The following DOCK1 variants were observed in gnomAD, a reference collection of about 807,000 sequenced individuals.
DOCK1 encodes the protein dedicator of cytokinesis 1.
DOCK1 carries 138 observed loss-of-function variants against 262.7 expected under a neutral mutation model. That is an observed-to-expected ratio of 0.53 (90% CI 0.46 to 0.61). The LOEUF is 0.61. Among genes scored for constraint, DOCK1 ranks in the 20% least tolerant of loss-of-function variants. The probability of loss-of-function intolerance (pLI) is 0.00; values close to 1 mark genes in which losing one functional copy is unlikely to be tolerated. For synonymous variants in DOCK1, 866 were observed against 867.4 expected, an observed-to-expected ratio of 1.00 and a Z score of 0.03; for missense variants, 1,908 against 2,370.7, an observed-to-expected ratio of 0.80 and a Z score of 4.05.
chr10:127,346,505 A>G (rs1310808451), intron 31 of DOCK1, among the ~76,000 whole-genome samples: 1 of 152,112 alleles, frequency 6.6e-6, no homozygotes, highest in Non-Finnish European at 1.5e-5. Flanking sequence ...CTGAAGTGGG[A>G]GGATTTCTTG....
intron 29 of DOCK1, among the ~76,000 whole-genome samples, chr10:127,261,411 G>C (rs1470400467): frequency 2.0e-4 from 29 of 141,916 alleles, no homozygotes; most frequent in South Asian, 4.6e-4. Flanking sequence ...GCATGTGGGT[G>C]TGTGTGTACC....
Position 127,447,537 on chromosome 10 carries a change from C to T in DOCK1, c.5557C>T (p.His1853Tyr). The T allele has an allele frequency of 6.2e-7, 1 of 1,613,860 alleles. No homozygotes were observed. Among genetic ancestry groups the T allele is most frequent in the South Asian group, 1.1e-5 (1 of 91,026 alleles). ...GCCAACACCTCCACCTCCCCCTCCA[C>T]ACCAGAGGGTAAGTCGGCAATCTGA... ...GSPTPPPPPP[H>Y]QRHLPPPLPS... The change falls in exon 51 of 52, where the codon CAC becomes TAC. Residue 1853 changes from histidine to tyrosine, a missense_variant. Coordinates refer to ENST00000623213, the MANE Select transcript of DOCK1 (RefSeq NM_001290223.2).
chr10:127,375,578 A>G (rs2065441533), intron 35 of DOCK1, among the ~76,000 whole-genome samples: 1 of 152,222 alleles, frequency 6.6e-6, no homozygotes, highest in African/African-American at 2.4e-5. Context: ...GTGTGGATTA[A>G]AAAGATAAAC....
At chr10:127,369,923 A>C (rs1043435839) in intron 33 of DOCK1, among the ~76,000 whole-genome samples, 7 of 152,328 alleles carry the variant, frequency 4.6e-5, no homozygotes, top group Admixed American at 1.3e-4. Context: ...GGGACCAGTC[A>C]CTTGTAGGAT....
intron 1 of DOCK1, among the ~76,000 whole-genome samples, chr10:126,962,202 C>T (rs1015870623): frequency 0.025 from 3,725 of 151,756 alleles, 164 homozygotes; most frequent in African/African-American, 0.086. Context: ...TCTTGTTGCC[C>T]AGGCTGGAGT....
chr10:127,246,513 TTTTACTAA>T (rs2134762703), intron 27 of DOCK1, among the ~76,000 whole-genome samples: 1 of 152,354 alleles, frequency 6.6e-6, no homozygotes, highest in East Asian at 1.9e-4. Flanking sequence ...AATTTTGCCA[TTTTACTAA>T]TCATTGCCTC....
chr10:127,404,178 ACCCTCTCCCACCATCT>A (rs991807519), intron 39 of DOCK1, 131 bp from the exon 40 acceptor site: 73 of 606,470 alleles, frequency 1.2e-4, no homozygotes, highest in Admixed American at 3.3e-4. Context: ...AAGCCTCAGT[ACCCTCTCCCACCATCT>A]CCCTCTCCCA....
intron 1 of DOCK1, among the ~76,000 whole-genome samples, chr10:126,951,671 TAG>T (rs1213239627): frequency 6.6e-6 from 1 of 151,868 alleles, no homozygotes; most frequent in Admixed American, 6.6e-5. Context: ...ATGGTAGTAG[TAG>T]TAAGTATTGT....
chr10:127,068,033 G>A (rs752004336), intron 23 of DOCK1, among the ~76,000 whole-genome samples: 4 of 152,096 alleles, frequency 2.6e-5, no homozygotes, highest in South Asian at 2.1e-4. Context: ...ATCACATGGC[G>A]CCATTTCCAT....
At chr10:127,387,162 A>G (rs946351669) in intron 38 of DOCK1, among the ~76,000 whole-genome samples, 1 of 152,190 alleles carries the variant, frequency 6.6e-6, no homozygotes, top group African/African-American at 2.4e-5. Flanking sequence ...GTGGCAGCAC[A>G]TCCTCTGACC....
intron 1 of DOCK1, among the ~76,000 whole-genome samples, chr10:126,941,875 G>C (rs966051870): frequency 3.3e-5 from 5 of 152,206 alleles, no homozygotes; most frequent in Non-Finnish European, 5.9e-5. Context: ...GCCTTTGCAG[G>C]TGAGGTGCTC....
intron 1 of DOCK1, among the ~76,000 whole-genome samples, chr10:126,943,207 T>G (rs2035152575): frequency 6.6e-6 from 1 of 152,220 alleles, no homozygotes; most frequent in South Asian, 2.1e-4. Flanking sequence ...GAGCAGAGAT[T>G]GTGCCACTGC....
chr10:127,025,641 G>A (rs1260626693), intron 15 of DOCK1, among the ~76,000 whole-genome samples: 1 of 151,872 alleles, frequency 6.6e-6, no homozygotes, highest in Non-Finnish European at 1.5e-5. Flanking sequence ...GTAGAGTTGG[G>A]GTTTTATCAT....
chr10:127,400,304 C>G (rs1262535730), intron 38 of DOCK1, among the ~76,000 whole-genome samples: 1 of 152,096 alleles, frequency 6.6e-6, no homozygotes, highest in Admixed American at 6.5e-5. Context: ...GTGAGGACTT[C>G]AGTGGGGTCA....
At chr10:127,294,832 AG>A (rs2061453881) in intron 29 of DOCK1, among the ~76,000 whole-genome samples, 1 of 150,476 alleles carries the variant, frequency 6.6e-6, no homozygotes. Flanking sequence ...AGTAGAGACG[AG>A]TTTTCGCCAC....
intron 1 of DOCK1, among the ~76,000 whole-genome samples, chr10:126,909,949 A>C (rs2031520495): frequency 6.6e-6 from 1 of 152,204 alleles, no homozygotes; most frequent in Non-Finnish European, 1.5e-5. Flanking sequence ...ATTGGGGTAG[A>C]AGTCACATTT....
chr10:127,078,707 C>G (rs778024795), intron 23 of DOCK1, among the ~76,000 whole-genome samples: 18 of 152,152 alleles, frequency 1.2e-4, no homozygotes, highest in Non-Finnish European at 2.2e-4. Flanking sequence ...AAATGCCCAT[C>G]AGTCAACAAG....
chr10:127,041,969 G>A (rs1390054967), intron 19 of DOCK1, among the ~76,000 whole-genome samples: 2 of 152,212 alleles, frequency 1.3e-5, no homozygotes, highest in Non-Finnish European at 2.9e-5. Context: ...GGGACTTGAA[G>A]CTGACTTGTA....
Position 127,062,181 on chromosome 10 carries a change from C to T in DOCK1, c.2445+405C>T, listed in dbSNP as rs2045579727. 5.9e-5 allele frequency among the ~76,000 whole-genome samples: 9 copies of T among 152,096 alleles called. No homozygotes were observed. In the South Asian group the frequency reaches 1.4e-3, roughly 25 times the overall value. Reference sequence around the variant, plus strand: ...CTCCAATTCCTGACCTCAGGTGACCCACCCACCTCAGCCTCCCAAAGTGCT... The same window carrying T: ...CTCCAATTCCTGACCTCAGGTGACCTACCCACCTCAGCCTCCCAAAGTGCT... On this transcript the variant is annotated intron_variant, in intron 23 of 51. Coordinates refer to ENST00000623213, the MANE Select transcript of DOCK1 (RefSeq NM_001290223.2).
Sources: allele counts gnomAD v4.1 joint callset (sites outside exome capture counted in the v4.1 genomes callset), GRCh38; gene constraint gnomAD v4.1.1; transcripts MANE v1.5; gene names NCBI Gene and HGNC (gene_info 2026-07-23, HGNC 2026-07-21).